Variants in PLXDC2 observed in about 807,000 individuals in gnomAD.
The protein encoded by PLXDC2 is plexin domain containing 2, also known as plexin domain-containing protein 2.
PLXDC2 carries 40 observed loss-of-function variants against 68.9 expected under a neutral mutation model. The ratio of observed to expected loss-of-function variants is 0.58; its 90% confidence interval spans 0.45 to 0.76. The LOEUF is 0.76. Ranked by LOEUF, PLXDC2 falls within the 30% of genes least tolerant of loss-of-function variation. PLXDC2 has a pLI of 0.00. For synonymous variants in PLXDC2, 243 were observed against 234.2 expected, an observed-to-expected ratio of 1.04 and a Z score of -0.34; for missense variants, 644 against 661.9, an observed-to-expected ratio of 0.97 and a Z score of 0.30.
intron 1 of PLXDC2, among the ~76,000 whole-genome samples, chr10:19,833,726 A>G (rs1457504081): frequency 1.3e-5 from 2 of 152,222 alleles, no homozygotes; most frequent in Non-Finnish European, 2.9e-5. Flanking sequence ...ATGATAAGTT[A>G]ACTTTTTTTG....
Position 19,888,929 on chromosome 10 carries a change from A to G in PLXDC2, c.112+71738A>G, listed in dbSNP as rs545304802. 7.5e-4 allele frequency among the ~76,000 whole-genome samples: 114 copies of G among 152,340 alleles called. 1 individual carries two copies. In the South Asian group the frequency reaches 0.017, roughly 23 times the overall value. On this transcript the variant is annotated intron_variant, in intron 1 of 13. Coordinates refer to ENST00000377252, the MANE Select transcript of PLXDC2 (RefSeq NM_032812.9). Reference sequence around the variant, plus strand: ...CCAGTATTCTTTGGTGACTACCTCCAAAGGAATTTCAACTCTTATGAACAT... The same window carrying G: ...CCAGTATTCTTTGGTGACTACCTCCGAAGGAATTTCAACTCTTATGAACAT...
chr10:19,965,412 T>A (rs1589559929), intron 1 of PLXDC2, among the ~76,000 whole-genome samples: 3 of 152,344 alleles, frequency 2.0e-5, no homozygotes, highest in South Asian at 4.1e-4. Context: ...CAGGTGGATA[T>A]GTGCCTTTGG....
intron 3 of PLXDC2, 53 bp downstream of exon 3, chr10:20,047,068 C>G (rs1378158932): frequency 6.7e-7 from 1 of 1,502,264 alleles, no homozygotes; most frequent in African/African-American, 1.4e-5. Flanking sequence ...AAAATAATTG[C>G]TTTAATTGGC....
intron 12 of PLXDC2, among the ~76,000 whole-genome samples, chr10:20,243,696 G>A (rs1017577703): frequency 8.2e-6 from 1 of 122,308 alleles, no homozygotes; most frequent in Non-Finnish European, 2.0e-5. Flanking sequence ...ATTAAATGAA[G>A]TTTAATAGAC....
intron 2 of PLXDC2, among the ~76,000 whole-genome samples, chr10:20,012,438 C>T (rs1835136335): frequency 6.7e-6 from 1 of 149,482 alleles, no homozygotes; most frequent in Admixed American, 6.7e-5. Flanking sequence ...CTGACTCAGC[C>T]TCCTGAGGAG....
At chr10:20,099,928 A>C (rs937880523) in intron 4 of PLXDC2, among the ~76,000 whole-genome samples, 5 of 152,212 alleles carry the variant, frequency 3.3e-5, no homozygotes, top group African/African-American at 1.2e-4. Context: ...GGGCCTAAAA[A>C]CACAAACCAG....
intron 13 of PLXDC2, among the ~76,000 whole-genome samples, 175 bp downstream of exon 13, chr10:20,245,680 G>A (rs1393748786): frequency 6.6e-6 from 1 of 152,178 alleles, no homozygotes; most frequent in Admixed American, 6.5e-5. Context: ...TTGATAGATT[G>A]CTTTCAGATG....
intron 1 of PLXDC2, among the ~76,000 whole-genome samples, chr10:19,988,890 C>A (rs185628545): frequency 1.4e-5 from 2 of 143,278 alleles, no homozygotes; most frequent in Non-Finnish European, 3.0e-5. Flanking sequence ...CCGCCTCCCC[C>A]GTTCAGGAGA....
At chr10:20,196,776 G>A (rs1419591929) in intron 9 of PLXDC2, among the ~76,000 whole-genome samples, 3 of 152,058 alleles carry the variant, frequency 2.0e-5, no homozygotes, top group Admixed American at 6.6e-5. Flanking sequence ...TGTTGAACAC[G>A]GTTCATGTCA....
intron 1 of PLXDC2, among the ~76,000 whole-genome samples, chr10:19,890,391 G>A (rs1021198674): frequency 8.6e-5 from 13 of 152,020 alleles, no homozygotes; most frequent in Non-Finnish European, 1.8e-4. Context: ...TTCAGCCCTT[G>A]CCCCTCTTCT....
chr10:20,043,415 G>A (rs567217873), intron 2 of PLXDC2: 1 of 152,052 alleles, frequency 6.6e-6, no homozygotes, highest in African/African-American at 2.4e-5. Flanking sequence ...GTATATTTTT[G>A]CAGGTAATTC....
At chr10:19,961,661 A>G (rs1368748203) in intron 1 of PLXDC2, among the ~76,000 whole-genome samples, 3 of 152,216 alleles carry the variant, frequency 2.0e-5, no homozygotes, top group Non-Finnish European at 4.4e-5. Flanking sequence ...TGGCACTGAT[A>G]CCCACATCAG....
Position 19,843,499 on chromosome 10 carries a change from G to GA in PLXDC2, c.112+26313dup, listed in dbSNP as rs767380211. ...CTAGTGAAGAAGAAAATCAGAGACA[G>GA]AAAAATAAACATTAGAAAATAAGAG... On this transcript the variant is annotated intron_variant, in intron 1 of 13. Transcript: ENST00000377252. Among the ~76,000 whole-genome samples the GA allele has an allele frequency of 3.7e-4, 56 of 151,960 alleles. 1 individual carries two copies. The highest frequency in any genetic ancestry group is 6.6e-4 in the Non-Finnish European group (45 of 67,936).
At chr10:20,078,952 C>T (rs950595207) in intron 4 of PLXDC2, among the ~76,000 whole-genome samples, 3 of 151,764 alleles carry the variant, frequency 2.0e-5, no homozygotes, top group African/African-American at 7.3e-5. Flanking sequence ...TAGAAGAAAA[C>T]TAGAGAAGAA....
At chr10:20,212,554 A>G (rs536516384) in intron 10 of PLXDC2, among the ~76,000 whole-genome samples, 2 of 152,282 alleles carry the variant, frequency 1.3e-5, no homozygotes, top group Non-Finnish European at 2.9e-5. Flanking sequence ...TGGGGTATCA[A>G]TTTTGAATTA....
At chr10:19,833,181 T>C (rs575901617) in intron 1 of PLXDC2, among the ~76,000 whole-genome samples, 11 of 152,342 alleles carry the variant, frequency 7.2e-5, no homozygotes, top group Non-Finnish European at 1.3e-4. Flanking sequence ...GTGTTGGTTA[T>C]TGATGAATCT....
At chr10:20,119,556 C>G in intron 4 of PLXDC2, among the ~76,000 whole-genome samples, 1 of 145,808 alleles carries the variant, frequency 6.9e-6, no homozygotes, top group East Asian at 2.3e-4. Context: ...TGTGTACGTG[C>G]AGGTCACAGG....
chr10:20,123,926 AGGGGTTG>A (rs1359392581), intron 4 of PLXDC2, among the ~76,000 whole-genome samples: 4 of 151,642 alleles, frequency 2.6e-5, no homozygotes, highest in African/African-American at 9.7e-5. Flanking sequence ...CAGAGATATA[AGGGGTTG>A]GGGTAATTAT....
chr10:20,177,344 C>T lies in PLXDC2; in HGVS notation c.996C>T (p.Asn332=), dbSNP rs1200535595. The change falls in exon 9 of 14, where the codon AAC becomes AAT. Residue 332 remains asparagine (N), a synonymous_variant. Transcript: ENST00000377252. ...MTPLPTCLQF[N]RCGPCVSSQI... is the part of the protein sequence containing the mutation. The stretch of plus-strand genomic sequence containing the variant: ...CTTCCCTAGCATGCCTCCAGTTTAA[C>T]AGATGTGGCCCCTGTGTATCTTCTC... 1.1e-5 allele frequency: 18 copies of T among 1,605,146 alleles called. No individual in the cohort carries two copies. Among genetic ancestry groups the T allele is most frequent in the Non-Finnish European group, 1.5e-5 (18 of 1,172,278 alleles).
Sources: gnomAD v4.1 joint callset for allele counts (sites outside exome capture counted in the v4.1 genomes callset) on GRCh38, gnomAD v4.1.1 for gene constraint, MANE v1.5 for transcripts, NCBI Gene and HGNC (gene_info 2026-07-23, HGNC 2026-07-21) for gene names.